The following IGSF9B variants were observed in gnomAD, a reference collection of about 807,000 sequenced individuals.
IGSF9B encodes protein turtle homolog B.
In IGSF9B, 48 loss-of-function variants were observed where a neutral mutation model predicts 143.7. The ratio of observed to expected loss-of-function variants is 0.33; its 90% CI spans 0.26 to 0.42. The LOEUF (loss-of-function observed/expected upper bound fraction) is 0.42. IGSF9B is among the 20% of genes least tolerant of loss of function. The pLI is 1.00. For synonymous variants in IGSF9B, 903 were observed against 833.1 expected (o/e 1.08, Z -1.44); for missense variants, 1,706 against 1,980.0 (o/e 0.86, Z 2.63).
chr11:133,926,878 A>G (rs1243337312), intron 13 of IGSF9B, 38 bp downstream of exon 13: 1 of 1,524,890 alleles, frequency 6.6e-7, no homozygotes, highest in Non-Finnish European at 8.9e-7. Flanking sequence ...CACCACCTCT[A>G]CAACCCCCGC....
intron 18 of IGSF9B, among the ~76,000 whole-genome samples, chr11:133,914,833 G>A (rs1241239977): frequency 6.6e-6 from 1 of 152,194 alleles, no homozygotes; most frequent in Non-Finnish European, 1.5e-5. Flanking sequence ...TTTACCAACA[G>A]CACGTAAAGC....
chr11:133,902,936 T>C lies in IGSF9B; in HGVS notation c.*6133A>G, dbSNP rs756409353. On this transcript the variant is annotated 3_prime_UTR_variant, in exon 20 of 20. Coordinates refer to ENST00000533871, the MANE Select transcript of IGSF9B (RefSeq NM_001277285.4). ...GAGGGCTGGGCACTCGCCCCTCCCA[T>C]GGCTTATATGAAAACCCCACACGTG... is the stretch of plus-strand genomic sequence containing the variant. Among the ~76,000 whole-genome samples the C allele has an allele frequency of 6.6e-6, 1 of 152,098 alleles. No individual in the cohort carries two copies. The highest frequency in any genetic ancestry group is 2.4e-5 in the African/African-American group (1 of 41,422).
At chr11:133,930,069 C>T (rs1254279001) in intron 11 of IGSF9B, among the ~76,000 whole-genome samples, 3 of 152,152 alleles carry the variant, frequency 2.0e-5, no homozygotes, top group Admixed American at 6.5e-5. Flanking sequence ...CCTCCTCGTC[C>T]TGGCCCAAAT....
intron 1 of IGSF9B, among the ~76,000 whole-genome samples, chr11:133,952,895 C>T (rs747735032): frequency 6.6e-6 from 1 of 152,198 alleles, no homozygotes; most frequent in Non-Finnish European, 1.5e-5. Flanking sequence ...GCTGCTTCAC[C>T]TCTTCTAGGA....
chr11:133,900,943 A>G lies in IGSF9B; in HGVS notation c.*8126T>C, dbSNP rs1314505730. The G allele has an allele frequency of 6.6e-6, 1 of 151,872 alleles. No individual in the cohort carries two copies. The highest frequency in any genetic ancestry group is 1.5e-5 in the Non-Finnish European group (1 of 67,994). 9.4% of individuals were successfully genotyped at this position (151,872 alleles called of 1,614,324 possible). A position where few individuals can be genotyped will look rare whatever the true frequency, so the allele number is the denominator to read the frequency against. ...CGTAGGTCCCTAGGTAGTCTCAACC[A>G]CCCCCTTTCTAATGCTGTGAAGCCA... On this transcript the variant is annotated 3_prime_UTR_variant, in exon 20 of 20. Coordinates refer to ENST00000533871, the MANE Select transcript of IGSF9B (RefSeq NM_001277285.4).
chr11:133,954,269 C>G (rs1335740334), intron 1 of IGSF9B, among the ~76,000 whole-genome samples: 1 of 152,176 alleles, frequency 6.6e-6, no homozygotes, highest in Admixed American at 6.5e-5. Flanking sequence ...CCTCTGGCCA[C>G]CAACAACACT....
intron 13 of IGSF9B, 133 bp from the exon 14 acceptor site, chr11:133,926,098 G>A: frequency 1.5e-6 from 1 of 653,964 alleles, no homozygotes; most frequent in South Asian, 1.9e-5. Flanking sequence ...AGGGCTTCAG[G>A]GTTCTGCCTT....
intron 3 of IGSF9B, among the ~76,000 whole-genome samples, chr11:133,940,653 AAAAC>A (rs1176572328): frequency 7.7e-6 from 1 of 130,372 alleles, no homozygotes; most frequent in African/African-American, 3.0e-5. Flanking sequence ...ATCACACGCA[AAAAC>A]ATACACCTCG....
Position 133,909,289 on chromosome 11 carries a change from G to C in IGSF9B, c.4106-12C>G, listed in dbSNP as rs1169603501. 1 of 1,532,660 alleles carries C rather than the reference G, an allele frequency of 6.5e-7. No individual in the cohort carries two copies. The highest frequency in any genetic ancestry group is 8.7e-7 in the Non-Finnish European group (1 of 1,143,976). 94.9% of individuals were successfully genotyped at this position (1,532,660 alleles called of 1,614,324 possible). Reference sequence around the variant, plus strand: ...GGAGGCAGAATCGTCTAGGAAGAAAGGAAGAGGGACGCAAAAGAGAAGCAA... The same window carrying C: ...GGAGGCAGAATCGTCTAGGAAGAAACGAAGAGGGACGCAAAAGAGAAGCAA... On this transcript the variant is annotated splice_polypyrimidine_tract_variant and intron_variant, in intron 19 of 19. Coordinates refer to ENST00000533871, the MANE Select transcript of IGSF9B (RefSeq NM_001277285.4). The surrounding 1 kb of genome is among the most constrained non-coding windows in gnomAD (Gnocchi z 4.2).
At position 133,956,775 on chromosome 11, in the gene IGSF9B, G is replaced by A; in HGVS notation, c.-21C>T. The A allele has an allele frequency of 6.8e-7, 1 of 1,473,822 alleles. No individual in the cohort carries two copies. The highest frequency in any genetic ancestry group is 9.0e-7 in the Non-Finnish European group (1 of 1,105,060). The allele number at this position is 1,473,822 out of a possible 1,614,324, so 91.3% of individuals were successfully genotyped here. ...ATCATAGTACTACCGCGCCAGCCCG[G>A]AGCCTCATCCTATCGCAAAGTGCTC... On this transcript the variant is annotated 5_prime_UTR_variant, in exon 1 of 20. Coordinates refer to ENST00000533871, the MANE Select transcript of IGSF9B (RefSeq NM_001277285.4).
In IGSF9B at chr11:133,908,118, G is replaced by A. The variant is rs961841832; in HGVS notation, c.*951C>T. Among the ~76,000 whole-genome samples, 1 of 152,320 alleles carries A rather than the reference G, an allele frequency of 6.6e-6. No individual in the cohort carries two copies. Among genetic ancestry groups the A allele is most frequent in the Non-Finnish European group, 1.5e-5 (1 of 68,036 alleles). On this transcript the variant is annotated 3_prime_UTR_variant, in exon 20 of 20. Transcript: ENST00000533871. Reference sequence around the variant, plus strand: ...GGGAGACTTTGGCCACAGAGCTCACGGCCTGGCTGGGCGGAAGGGCGCCGA... The same window carrying A: ...GGGAGACTTTGGCCACAGAGCTCACAGCCTGGCTGGGCGGAAGGGCGCCGA...
intron 15 of IGSF9B, 90 bp from the exon 16 acceptor site, chr11:133,922,820 C>T: frequency 8.0e-7 from 1 of 1,251,326 alleles, no homozygotes; most frequent in Non-Finnish European, 1.1e-6. Flanking sequence ...TTCACCCTGC[C>T]TTTGTAGAAC....
In IGSF9B at chr11:133,931,730, A is replaced by C. The variant is rs60293647; in HGVS notation, c.1176T>G (p.Leu392=). 1.9e-6 allele frequency: 3 copies of C among 1,612,028 alleles called. No homozygotes were observed. The highest frequency in any genetic ancestry group is 2.2e-5 in the East Asian group (1 of 44,854). The part of the protein sequence containing the change: ...IRIEEATEEA[L]GTYTCVPYNT... Reference sequence around the variant, plus strand: ...TGTAAGGCACACAGGTATAAGTGCCAAGAGCCTCCTCTGTGGCCTCCTCAA... The same window carrying C: ...TGTAAGGCACACAGGTATAAGTGCCCAGAGCCTCCTCTGTGGCCTCCTCAA... The change falls in exon 9 of 20, where the codon CTT becomes CTG. Residue 392 remains leucine, a synonymous_variant. Coordinates refer to ENST00000533871, the MANE Select transcript of IGSF9B (RefSeq NM_001277285.4). This position sits in a 1 kb window ranked among gnomAD's most constrained non-coding sequence, Gnocchi z 7.7.
At chr11:133,927,930 C>T (rs1457962383) in intron 12 of IGSF9B, among the ~76,000 whole-genome samples, 2 of 152,148 alleles carry the variant, frequency 1.3e-5, no homozygotes, top group Admixed American at 1.3e-4. Flanking sequence ...GAAAGCAGTA[C>T]AAAAAGAAGC....
At chr11:133,912,797 T>C (rs1004028630) in intron 18 of IGSF9B, among the ~76,000 whole-genome samples, 1 of 152,204 alleles carries the variant, frequency 6.6e-6, no homozygotes, top group Non-Finnish European at 1.5e-5. Context: ...AACGAGGCTA[T>C]TGGAACAGAC....
At chr11:133,943,699 G>A (rs746257816) in intron 3 of IGSF9B, among the ~76,000 whole-genome samples, 4 of 152,190 alleles carry the variant, frequency 2.6e-5, no homozygotes, top group Non-Finnish European at 5.9e-5. Flanking sequence ...CTGGGTGCAG[G>A]TCTGCTTGCC....
In IGSF9B at chr11:133,956,786, T is replaced by A; in HGVS notation, c.-32A>T. On this transcript the variant is annotated 5_prime_UTR_variant, in exon 1 of 20. Transcript: ENST00000533871. Reference sequence around the variant, plus strand: ...ACCGCGCCAGCCCGGAGCCTCATCCTATCGCAAAGTGCTCCCGCGCCCGCA... The same window carrying A: ...ACCGCGCCAGCCCGGAGCCTCATCCAATCGCAAAGTGCTCCCGCGCCCGCA... 7.2e-7 allele frequency: 1 copy of A among 1,396,962 alleles called. No homozygotes were observed. The allele number at this position is 1,396,962 out of a possible 1,614,324, so 86.5% of individuals were successfully genotyped here. A position where few individuals can be genotyped will look rare whatever the true frequency, so the allele number is the denominator to read the frequency against.
At chr11:133,935,996 C>A in intron 6 of IGSF9B, 57 bp downstream of exon 6, 1 of 1,589,346 alleles carries the variant, frequency 6.3e-7, no homozygotes, top group East Asian at 2.3e-5. Flanking sequence ...GCTCAGGGGC[C>A]CTGCCCGTGG....
Position 133,909,036 on chromosome 11 carries a change from C to A in IGSF9B, c.*33G>T, listed in dbSNP as rs1387357999. 6.6e-7 allele frequency: 1 copy of A among 1,523,316 alleles called. No homozygotes were observed. Among genetic ancestry groups the A allele is most frequent in the South Asian group, 1.2e-5 (1 of 83,634 alleles). The allele number at this position is 1,523,316 out of a possible 1,614,324, so 94.4% of individuals were successfully genotyped here. ...GGCCCTCCCTGCCTGAGCCCAGCAA[C>A]CTCGCCCCGGGGACACCTAGAGTGG... On this transcript the variant is annotated 3_prime_UTR_variant, in exon 20 of 20. Transcript: ENST00000533871. This position sits in a 1 kb window ranked among gnomAD's most constrained non-coding sequence, Gnocchi z 4.2.
Sources: gnomAD v4.1 joint callset for allele counts (sites outside exome capture counted in the v4.1 genomes callset) on GRCh38, gnomAD v4.1.1 for gene constraint, Gnocchi (gnomAD v3.1) non-coding constraint, MANE v1.5 for transcripts, NCBI Gene and HGNC (gene_info 2026-07-23, HGNC 2026-07-21) for gene names.